ADARB2: variants seen among roughly 807,000 people sequenced by gnomAD.
ADARB2 encodes the protein inactive double-stranded RNA-specific editase B2.
ADARB2 carries 25 observed loss-of-function variants against 62.2 expected under a neutral mutation model. The ratio of observed to expected loss-of-function variants is 0.40; its 90% CI spans 0.29 to 0.56. The LOEUF is 0.56. Among genes scored for constraint, ADARB2 ranks in the 20% least tolerant of loss-of-function variants. The pLI, the probability that ADARB2 is intolerant of heterozygous loss-of-function variation, is 0.43. For synonymous variants in ADARB2, 572 were observed against 500.8 expected, an observed-to-expected ratio of 1.14 and a Z score of -1.90; for missense variants, 1,071 against 1,077.4, an observed-to-expected ratio of 0.99 and a Z score of 0.08.
intron 8 of ADARB2, 93 bp from the exon 9 acceptor site, chr10:1,185,132 T>A: frequency 1.4e-6 from 2 of 1,418,688 alleles, no homozygotes; most frequent in Admixed American, 2.1e-5. Flanking sequence ...AGCCTGTATG[T>A]GAGTGGGAAT....
At position 1,363,308 on chromosome 10, in the gene ADARB2, G is replaced by A. The variant is rs1474976940; in HGVS notation, c.797C>T (p.Pro266Leu). 3.2e-6 allele frequency: 4 copies of A among 1,230,928 alleles called. No individual in the cohort carries two copies. Among genetic ancestry groups the A allele is most frequent in the South Asian group, 3.4e-5 (1 of 29,030 alleles). 76.3% of individuals were successfully genotyped at this position (1,230,928 alleles called of 1,614,324 possible). A position where few individuals can be genotyped will look rare whatever the true frequency, so the allele number is the denominator to read the frequency against. The change falls in exon 3 of 10, where the codon CCG (proline) becomes CTG (leucine). Residue 266 changes from proline (P) to leucine (L), a missense_variant. Physicochemically the swap from Pro to Leu is moderately conservative, Grantham distance 98. Coordinates refer to ENST00000381312, the MANE Select transcript of ADARB2 (RefSeq NM_018702.4). ...LLCRALDLVGPTPATPAAPGE... is the reference protein window; with the variant it reads ...LLCRALDLVGLTPATPAAPGE... ...CGGGGCCGCGGGGGTGGCGGGGGTC[G>A]GGCCCACCAGGTCCAGCGCGCGGCA...
At chr10:1,366,453 T>C (rs1179297037) in intron 2 of ADARB2, among the ~76,000 whole-genome samples, 2 of 152,158 alleles carry the variant, frequency 1.3e-5, no homozygotes, top group Non-Finnish European at 2.9e-5. Context: ...CTGAGAATTA[T>C]GGTAGTGAGC....
intron 1 of ADARB2, among the ~76,000 whole-genome samples, chr10:1,736,085 T>TA (rs1054285760): frequency 1.2e-4 from 19 of 152,152 alleles, no homozygotes; most frequent in African/African-American, 4.1e-4. Flanking sequence ...CTACCTCACT[T>TA]AAAAAAAATC....
At chr10:1,600,946 G>T (rs1833404565) in intron 1 of ADARB2, among the ~76,000 whole-genome samples, 1 of 152,184 alleles carries the variant, frequency 6.6e-6, no homozygotes, top group Non-Finnish European at 1.5e-5. Flanking sequence ...ATTAGCTGGT[G>T]GGAGCGATGA....
At chr10:1,206,464 C>T (rs942868900) in intron 7 of ADARB2, among the ~76,000 whole-genome samples, 5 of 150,888 alleles carry the variant, frequency 3.3e-5, no homozygotes, top group Non-Finnish European at 7.4e-5. Flanking sequence ...CTCCTCGTGC[C>T]TGTGCGTCTG....
intron 1 of ADARB2, among the ~76,000 whole-genome samples, chr10:1,501,979 G>A (rs184588523): frequency 2.0e-5 from 3 of 152,288 alleles, no homozygotes; most frequent in Non-Finnish European, 4.4e-5. Flanking sequence ...TACCAAAGCA[G>A]GTCCATGGAT....
intron 1 of ADARB2, among the ~76,000 whole-genome samples, chr10:1,717,156 C>CTTT (rs397969884): frequency 0.14 from 8,774 of 62,878 alleles, 1,070 homozygotes; most frequent in Non-Finnish European, 0.15. Flanking sequence ...TTGTAGTGTG[C>CTTT]TTTTTTTTTT....
At chr10:1,651,249 C>A (rs1467440230) in intron 1 of ADARB2, among the ~76,000 whole-genome samples, 1 of 152,218 alleles carries the variant, frequency 6.6e-6, no homozygotes, top group African/African-American at 2.4e-5. Flanking sequence ...CATTAGGAAC[C>A]ACCCTGTGCT....
At position 1,585,799 on chromosome 10, in the gene ADARB2, C is replaced by T. The variant is rs1409856495; in HGVS notation, c.100+151252G>A. Among the ~76,000 whole-genome samples, 13 of 152,138 alleles carry T rather than the reference C, an allele frequency of 8.5e-5. 1 individual carries two copies. The highest frequency in any genetic ancestry group is 8.3e-4 in the South Asian group (4 of 4,820). On this transcript the variant is annotated intron_variant, in intron 1 of 9. Transcript: ENST00000381312. ...CCTGTAATCTCAGCACTTTGGGAGGCCAAGGTGGGCAGATCACGAGGTCAG... is the reference window on the plus strand; with the variant it reads ...CCTGTAATCTCAGCACTTTGGGAGGTCAAGGTGGGCAGATCACGAGGTCAG...
intron 1 of ADARB2, among the ~76,000 whole-genome samples, chr10:1,498,165 G>A (rs2131936453): frequency 6.6e-6 from 1 of 152,160 alleles, no homozygotes; most frequent in African/African-American, 2.4e-5. Context: ...CTGGGGTCAG[G>A]AGTTCGAAGA....
intron 1 of ADARB2, among the ~76,000 whole-genome samples, chr10:1,464,986 G>A (rs1367713845): frequency 6.6e-6 from 1 of 152,222 alleles, no homozygotes; most frequent in Non-Finnish European, 1.5e-5. Context: ...CCCTGAACTG[G>A]AAACAGTGAC....
chr10:1,200,041 G>T lies in ADARB2; in HGVS notation c.1789C>A (p.Arg597Ser), dbSNP rs1323817220. The part of the protein sequence containing the change: ...GSLHHTGHLA[R>S]VMSHRMEGVG... Reference sequence around the variant, plus strand: ...CCCTCCATGCGGTGGCTCATGACGCGTGCGAGGTGGCCCGTGTGGTGCAGG... The same window carrying T: ...CCCTCCATGCGGTGGCTCATGACGCTTGCGAGGTGGCCCGTGTGGTGCAGG... The change falls in exon 8 of 10, where the codon CGC (arginine) becomes AGC (serine). Residue 597 changes from arginine (R) to serine (S), a missense_variant. Arg to Ser is a moderately radical substitution (Grantham distance 110). Coordinates refer to ENST00000381312, the MANE Select transcript of ADARB2 (RefSeq NM_018702.4). 1.9e-6 allele frequency: 3 copies of T among 1,596,250 alleles called. No individual in the cohort carries two copies. Among genetic ancestry groups the T allele is most frequent in the East Asian group, 2.3e-5 (1 of 44,348 alleles).
At chr10:1,415,733 C>T (rs981921939) in intron 1 of ADARB2, among the ~76,000 whole-genome samples, 8 of 152,116 alleles carry the variant, frequency 5.3e-5, no homozygotes. Context: ...AAGGCTAAAA[C>T]TAAATTAGAA....
intron 1 of ADARB2, among the ~76,000 whole-genome samples, chr10:1,443,442 G>C (rs918824961): frequency 2.0e-5 from 3 of 151,994 alleles, no homozygotes; most frequent in African/African-American, 7.3e-5. Context: ...TTTTTGGTCT[G>C]CCATTCCTAA....
At chr10:1,725,025 T>A (rs1044780596) in intron 1 of ADARB2, among the ~76,000 whole-genome samples, 6 of 152,190 alleles carry the variant, frequency 3.9e-5, no homozygotes, top group African/African-American at 1.4e-4. Context: ...TAGTTCCTAT[T>A]GCCTAAGGGC....
intron 1 of ADARB2, among the ~76,000 whole-genome samples, chr10:1,530,097 CT>C (rs745374384): frequency 1.2e-3 from 181 of 152,284 alleles, no homozygotes; most frequent in Non-Finnish European, 2.1e-3. Flanking sequence ...TCCACTGCCC[CT>C]GCCAATGCGG....
intron 1 of ADARB2, among the ~76,000 whole-genome samples, chr10:1,720,845 G>A (rs796964972): frequency 1.1e-4 from 17 of 152,294 alleles, no homozygotes; most frequent in African/African-American, 3.8e-4. Context: ...TATAAAAGAC[G>A]TTTATTAACG....
At chr10:1,683,512 C>G (rs1350197800) in intron 1 of ADARB2, among the ~76,000 whole-genome samples, 1 of 152,194 alleles carries the variant, frequency 6.6e-6, no homozygotes, top group African/African-American at 2.4e-5. Context: ...CTGCAATGCA[C>G]AGGGTCAAGG....
At chr10:1,679,448 A>G (rs1195182850) in intron 1 of ADARB2, among the ~76,000 whole-genome samples, 2 of 152,180 alleles carry the variant, frequency 1.3e-5, no homozygotes, top group Non-Finnish European at 2.9e-5. Flanking sequence ...TGGAATTAGT[A>G]ATGAGAGATT....
Sources: allele counts gnomAD v4.1 joint callset (sites outside exome capture counted in the v4.1 genomes callset), GRCh38; gene constraint gnomAD v4.1.1; transcripts MANE v1.5; gene names NCBI Gene and HGNC (gene_info 2026-07-23, HGNC 2026-07-21).